MYL11: variants seen among roughly 807,000 people sequenced by gnomAD.
MYL11 encodes the protein myosin regulatory light chain 11.
chr16:30,375,817 C>G, the MYL11 span: 1 of 1,613,676 alleles, frequency 6.2e-7, no homozygotes, highest in Non-Finnish European at 8.5e-7. Flanking sequence ...CCTCACCCTC[C>G]AGGCACCCAA....
At chr16:30,377,552 G>T in the MYL11 span, 1 of 1,263,250 alleles carries the variant, frequency 7.9e-7, no homozygotes, top group Non-Finnish European at 1.1e-6. Context: ...GAGTGACCTG[G>T]GTTTTCAGGG....
chr16:30,377,551 G>C, the MYL11 span: 2 of 1,254,138 alleles, frequency 1.6e-6, no homozygotes, highest in Non-Finnish European at 2.1e-6. Context: ...AGAGTGACCT[G>C]GGTTTTCAGG....
the MYL11 span, among the ~76,000 whole-genome samples, chr16:30,375,257 G>A: frequency 6.6e-6 from 1 of 152,142 alleles, no homozygotes; most frequent in Non-Finnish European, 1.5e-5. Flanking sequence ...CTTGAAGCCA[G>A]GAGTTCGAGA....
At chr16:30,376,626 A>C in the MYL11 span, 4 of 1,613,950 alleles carry the variant, frequency 2.5e-6, no homozygotes, top group Non-Finnish European at 3.4e-6. Flanking sequence ...ACAGGTGCCG[A>C]CCCTGAGGAT....
chr16:30,372,203 G>A, the MYL11 span: 1 of 152,672 alleles, frequency 6.5e-6, no homozygotes, highest in Admixed American at 6.5e-5. Context: ...CTGGACCCCC[G>A]TGGTAACCCT....
chr16:30,375,437 C>T, the MYL11 span, among the ~76,000 whole-genome samples: 1 of 150,296 alleles, frequency 6.7e-6, no homozygotes, highest in Non-Finnish European at 1.5e-5. Context: ...CGCACTCCAG[C>T]CTGGGTGACA....
At chr16:30,376,711 T>A in the MYL11 span, 1 of 1,611,534 alleles carries the variant, frequency 6.2e-7, no homozygotes, top group Non-Finnish European at 8.5e-7. Context: ...AAGCATCGGC[T>A]CCCCCACCCT....
At chr16:30,377,534 A>AG in the MYL11 span, 1 of 1,052,278 alleles carries the variant, frequency 9.5e-7, no homozygotes, top group African/African-American at 1.6e-5. Context: ...AGGCCAATGA[A>AG]GGAAGTAGAG....
the MYL11 span, chr16:30,377,648 C>G: frequency 6.6e-7 from 1 of 1,507,320 alleles, no homozygotes; most frequent in African/African-American, 1.4e-5. Flanking sequence ...TGTCACCTCT[C>G]TCCAGCCTGG....
the MYL11 span, chr16:30,376,706 T>A: frequency 2.5e-5 from 40 of 1,612,674 alleles, no homozygotes; most frequent in Middle Eastern, 1.4e-3. Context: ...GTTGTAAGCA[T>A]CGGCTCCCCC....
At chr16:30,376,713 C>T in the MYL11 span, 4 of 1,610,604 alleles carry the variant, frequency 2.5e-6, no homozygotes, top group African/African-American at 1.3e-5. Context: ...GCATCGGCTC[C>T]CCCACCCTTC....
the MYL11 span, among the ~76,000 whole-genome samples, chr16:30,371,682 C>G: frequency 1.3e-5 from 2 of 152,054 alleles, no homozygotes; most frequent in Non-Finnish European, 2.9e-5. Flanking sequence ...TCCATGAATC[C>G]CTAATACCAT....
the MYL11 span, chr16:30,375,912 G>C: frequency 6.2e-7 from 1 of 1,613,894 alleles, no homozygotes; most frequent in East Asian, 2.2e-5. Flanking sequence ...AGTTCAAAGA[G>C]GTGGGTGAGG....
the MYL11 span, chr16:30,374,798 T>C: frequency 1.2e-6 from 2 of 1,605,818 alleles, no homozygotes; most frequent in Non-Finnish European, 8.5e-7. Flanking sequence ...GACTGCCCCA[T>C]GCTGACTCCT....
the MYL11 span, chr16:30,377,763 GC>G: frequency 7.0e-5 from 113 of 1,611,180 alleles, 1 homozygote; most frequent in South Asian, 1.2e-3. Context: ...GAGACTAAGG[GC>G]CTGTGCGAGA....
At chr16:30,372,057 A>T in the MYL11 span, among the ~76,000 whole-genome samples, 1 of 151,934 alleles carries the variant, frequency 6.6e-6, no homozygotes, top group African/African-American at 2.4e-5. Context: ...GTCAATTCCC[A>T]CTCAGTGTCT....
the MYL11 span, chr16:30,376,741 C>CA: frequency 6.4e-7 from 1 of 1,571,488 alleles, no homozygotes; most frequent in Non-Finnish European, 8.7e-7. Flanking sequence ...TCCCCCACTC[C>CA]ACCAGCTGCT....
At chr16:30,377,747 G>T in the MYL11 span, 3 of 1,594,566 alleles carry the variant, frequency 1.9e-6, no homozygotes. Flanking sequence ...AGGGGCTGGG[G>T]CCGGGGAGAC....
the MYL11 span, among the ~76,000 whole-genome samples, chr16:30,373,346 A>G: frequency 6.6e-6 from 1 of 152,240 alleles, no homozygotes; most frequent in Non-Finnish European, 1.5e-5. Context: ...CTGTAATCCC[A>G]GCACTTTGGG....
Sources: gnomAD v4.1 joint callset for allele counts (sites outside exome capture counted in the v4.1 genomes callset) on GRCh38, gnomAD v4.1.1 for gene constraint, MANE v1.5 for transcripts, NCBI Gene and HGNC (gene_info 2026-07-23, HGNC 2026-07-21) for gene names.